SOX5: variants seen among roughly 807,000 people sequenced by gnomAD.
SOX5 encodes the protein transcription factor SOX-5.
In SOX5, 9 loss-of-function variants were observed where a neutral mutation model predicts 92.0. The observed-to-expected ratio is 0.10, with a 90% CI of 0.06 to 0.17. The LOEUF is 0.17. Among genes scored for constraint, SOX5 ranks in the 10% least tolerant of loss-of-function variants. SOX5 has a pLI of 1.00. For synonymous variants in SOX5, 344 were observed against 336.3 expected (o/e 1.02, Z -0.25); for missense variants, 642 against 944.5 (o/e 0.68, Z 4.20).
At chr12:24,330,331 A>C (rs1951162567) in intron 2 of SOX5, among the ~76,000 whole-genome samples, 1 of 152,186 alleles carries the variant, frequency 6.6e-6, no homozygotes, top group Non-Finnish European at 1.5e-5. Flanking sequence ...GTATACCTAA[A>C]AGAAATGTTC....
At chr12:24,531,870 T>C (rs1422390186) in intron 1 of SOX5, among the ~76,000 whole-genome samples, 1 of 152,236 alleles carries the variant, frequency 6.6e-6, no homozygotes, top group Non-Finnish European at 1.5e-5. Flanking sequence ...TCAGGCTCTA[T>C]GGCAGCTCCA....
chr12:23,979,698 G>GTT (rs67253622), intron 4 of SOX5, among the ~76,000 whole-genome samples: 2,375 of 64,688 alleles, frequency 0.037, 678 homozygotes, highest in East Asian at 0.049. Context: ...ATATATATAT[G>GTT]TTTTTTTTGT....
intron 4 of SOX5, among the ~76,000 whole-genome samples, chr12:24,139,406 G>A (rs1257514305): frequency 2.0e-5 from 3 of 152,206 alleles, no homozygotes; most frequent in South Asian, 2.1e-4. Context: ...AGGCAGCAGC[G>A]TTAACAGGAT....
At chr12:24,548,033 G>C (rs1281173035) in intron 1 of SOX5, among the ~76,000 whole-genome samples, 1 of 152,180 alleles carries the variant, frequency 6.6e-6, no homozygotes, top group Admixed American at 6.5e-5. Flanking sequence ...TTATGTGCCG[G>C]AGATTTTTTT....
rs1939130752 is a variant in SOX5, at chr12:23,531,737, A to ATAAC, written c.*2478_*2481dup. 1.3e-5 allele frequency: 2 copies of ATAAC among 152,304 alleles called. No homozygotes were observed. Among genetic ancestry groups the ATAAC allele is most frequent in the African/African-American group, 4.8e-5 (2 of 41,574 alleles). 9.4% of individuals were successfully genotyped at this position (152,304 alleles called of 1,614,324 possible). ...GGCTCTAGATGACTGTGGCAATTAA[A>ATAAC]TAACTAAAATGAGTGATGAGAGCAT... On this transcript the variant is annotated 3_prime_UTR_variant, in exon 15 of 15. Transcript: ENST00000451604.
At position 24,144,905 on chromosome 12, in the gene SOX5, T is replaced by C. The variant is rs1593582126; in HGVS notation, c.-2+68438A>G. Among the ~76,000 whole-genome samples, 5 of 152,010 alleles carry C rather than the reference T, an allele frequency of 3.3e-5. No homozygotes were observed. The South Asian group carries it at 8.3e-4, about 25-fold the overall frequency. Reference sequence around the variant, plus strand: ...ACTATTTGAAAGTTCTCATAATATATGGGAAATGGTATCATATCTCTACAA... The same window carrying C: ...ACTATTTGAAAGTTCTCATAATATACGGGAAATGGTATCATATCTCTACAA... On this transcript the variant is annotated intron_variant, in intron 4 of 4. Coordinates refer to the SOX5 transcript ENST00000446891.
chr12:23,852,394 A>T (rs1050203000), intron 2 of SOX5, among the ~76,000 whole-genome samples: 19 of 152,162 alleles, frequency 1.2e-4, no homozygotes, highest in African/African-American at 4.6e-4. Flanking sequence ...AAATGGCCCC[A>T]TTATACTTCA....
intron 4 of SOX5, among the ~76,000 whole-genome samples, chr12:24,112,466 T>TAG (rs769239933): frequency 2.0e-5 from 3 of 149,798 alleles, no homozygotes; most frequent in Non-Finnish European, 2.9e-5. Context: ...GAGCATCAAG[T>TAG]AGAGAACAGG....
At chr12:23,574,226 C>T (rs1424737575) in intron 10 of SOX5, among the ~76,000 whole-genome samples, 1 of 152,044 alleles carries the variant, frequency 6.6e-6, no homozygotes, top group Non-Finnish European at 1.5e-5. Flanking sequence ...CTTATTTGCT[C>T]TCCTGAGTTC....
At chr12:23,689,653 C>T (rs910492334) in intron 6 of SOX5, among the ~76,000 whole-genome samples, 4 of 152,090 alleles carry the variant, frequency 2.6e-5, no homozygotes, top group East Asian at 3.9e-4. Context: ...CCCAAAAATA[C>T]ATGCCATATA....
rs113633856 is a variant in SOX5, at chr12:23,802,397, T to C, written c.481+43586A>G. The stretch of plus-strand genomic sequence containing the variant: ...GCCCGGCCTTTTCTTAATTTTTAAA[T>C]CACATGAGACCCAACTCAAAGTTTT... On this transcript the variant is annotated intron_variant, in intron 3 of 14. Coordinates refer to ENST00000451604, the MANE Select transcript of SOX5 (RefSeq NM_006940.6). 4.9e-3 allele frequency among the ~76,000 whole-genome samples: 751 copies of C among 152,188 alleles called. 2 individuals carry two copies. The highest frequency in any genetic ancestry group is 0.016 in the African/African-American group (685 of 41,524).
At chr12:23,617,732 C>A (rs1330589708) in intron 8 of SOX5, among the ~76,000 whole-genome samples, 1 of 151,974 alleles carries the variant, frequency 6.6e-6, no homozygotes, top group Non-Finnish European at 1.5e-5. Context: ...TTCAAATGCA[C>A]GGGGTTTTAA....
intron 4 of SOX5, among the ~76,000 whole-genome samples, chr12:24,068,526 C>G (rs1264107094): frequency 1.3e-5 from 2 of 151,350 alleles, no homozygotes; most frequent in African/African-American, 2.4e-5. Context: ...GTTATAGAAG[C>G]CTTCATTTGC....
At chr12:23,665,423 T>C (rs369205874) in intron 7 of SOX5, 21 bp downstream of exon 7, 3 of 1,612,682 alleles carry the variant, frequency 1.9e-6, no homozygotes, top group African/African-American at 2.7e-5. Context: ...CACTCCCAGA[T>C]GAAAAATCAA....
At chr12:23,897,385 T>A (rs7977312) in intron 1 of SOX5, among the ~76,000 whole-genome samples, 13,775 of 152,150 alleles carry the variant, frequency 0.091, 1,364 homozygotes, top group East Asian at 0.46. Context: ...GGCTTTAGAA[T>A]CAGACAAGTC....
intron 1 of SOX5, among the ~76,000 whole-genome samples, chr12:24,451,630 G>T (rs1247085284): frequency 3.9e-5 from 6 of 152,144 alleles, no homozygotes; most frequent in Admixed American, 1.3e-4. Flanking sequence ...TAATCTGAAG[G>T]ACACCTGAAG....
intron 1 of SOX5, among the ~76,000 whole-genome samples, chr12:24,539,450 T>C (rs1484470097): frequency 6.6e-6 from 1 of 152,154 alleles, no homozygotes; most frequent in East Asian, 1.9e-4. Context: ...AAAAGTGTGT[T>C]CCAGAGCTTC....
intron 8 of SOX5, among the ~76,000 whole-genome samples, chr12:23,606,537 C>T (rs1470540656): frequency 6.6e-6 from 1 of 151,624 alleles, no homozygotes; most frequent in Non-Finnish European, 1.5e-5. Context: ...ATATTACTGA[C>T]AAAATTATTG....
intron 2 of SOX5, among the ~76,000 whole-genome samples, chr12:23,860,176 A>G (rs1028747967): frequency 2.6e-5 from 4 of 152,284 alleles, no homozygotes; most frequent in African/African-American, 9.6e-5. Flanking sequence ...GGAGAGGAGC[A>G]GAAAAGATAA....
Sources: allele counts gnomAD v4.1 joint callset (sites outside exome capture counted in the v4.1 genomes callset), GRCh38; gene constraint gnomAD v4.1.1; transcripts MANE v1.5; gene names NCBI Gene and HGNC (gene_info 2026-07-23, HGNC 2026-07-21).